THSD7B: variants seen among roughly 807,000 people sequenced by gnomAD.
The protein encoded by THSD7B is thrombospondin type-1 domain-containing protein 7B.
A neutral mutation model predicts 213.6 loss-of-function variants in THSD7B; 138 were observed. The ratio of observed to expected loss-of-function variants is 0.65; its 90% CI spans 0.56 to 0.74. The LOEUF (loss-of-function observed/expected upper bound fraction) is 0.74. Among genes scored for constraint, THSD7B ranks in the 30% least tolerant of loss-of-function variants. The pLI is 0.00. For missense variants in THSD7B, 1,931 were observed against 1,991.5 expected (o/e 0.97, Z 0.58); for synonymous variants, 742 against 687.0 (o/e 1.08, Z -1.25).
At chr2:137,350,109 C>G (rs767330908) in intron 12 of THSD7B, among the ~76,000 whole-genome samples, 1 of 151,782 alleles carries the variant, frequency 6.6e-6, no homozygotes, top group Non-Finnish European at 1.5e-5. Context: ...GGATGGAATA[C>G]AGCAGAAGAT....
chr2:137,156,806 C>T (rs1679919766), intron 5 of THSD7B, among the ~76,000 whole-genome samples: 2 of 152,092 alleles, frequency 1.3e-5, no homozygotes, highest in Non-Finnish European at 2.9e-5. Context: ...CTACTGTGTG[C>T]CTGAGAGTTG....
chr2:136,841,238 A>G (rs115418085), intron 1 of THSD7B, among the ~76,000 whole-genome samples: 1,657 of 152,204 alleles, frequency 0.011, 34 homozygotes, highest in African/African-American at 0.038. Context: ...TTAAAAATAT[A>G]TTTTACTTGT....
At position 136,850,220 on chromosome 2, in the gene THSD7B, A is replaced by G. The variant is rs147525431; in HGVS notation, c.-35-31924A>G. On this transcript the variant is annotated intron_variant, in intron 1 of 27. Coordinates refer to ENST00000409968, the MANE Select transcript of THSD7B (RefSeq NM_001316349.2). ...CAATAAATACAATGTTAGTTTATCA[A>G]TTTTTACAACTGTATAATGCTGCAT... 2.1e-3 allele frequency among the ~76,000 whole-genome samples: 318 copies of G among 152,146 alleles called. 1 individual carries two copies. Among genetic ancestry groups the G allele is most frequent in the Non-Finnish European group, 3.2e-3 (217 of 67,948 alleles).
intron 14 of THSD7B, among the ~76,000 whole-genome samples, chr2:137,419,794 C>T (rs1686883540): frequency 6.6e-6 from 1 of 151,858 alleles, no homozygotes. Flanking sequence ...TCACTGGGGA[C>T]CTGTCCCTGT....
intron 7 of THSD7B, among the ~76,000 whole-genome samples, chr2:137,173,372 CTTTGTT>C (rs1680301051): frequency 6.6e-6 from 1 of 152,176 alleles, no homozygotes; most frequent in South Asian, 2.1e-4. Flanking sequence ...GACTCTCATG[CTTTGTT>C]ATCTCACAGC....
At chr2:136,791,500 C>A (rs1314135204) in intron 1 of THSD7B, among the ~76,000 whole-genome samples, 1 of 151,870 alleles carries the variant, frequency 6.6e-6, no homozygotes, top group Non-Finnish European at 1.5e-5. Flanking sequence ...AAGGAAACCC[C>A]ATGCCCATTC....
At chr2:137,017,259 T>C (rs1686358723) in intron 2 of THSD7B, among the ~76,000 whole-genome samples, 1 of 151,394 alleles carries the variant, frequency 6.6e-6, no homozygotes, top group Non-Finnish European at 1.5e-5. Flanking sequence ...GAGGCGAAAC[T>C]GAAGTTGAAC....
intron 12 of THSD7B, among the ~76,000 whole-genome samples, chr2:137,400,208 A>G (rs1235676406): frequency 6.6e-6 from 1 of 151,814 alleles, no homozygotes; most frequent in Non-Finnish European, 1.5e-5. Flanking sequence ...ACTTTTGATT[A>G]TCTGGCATTT....
intron 17 of THSD7B, among the ~76,000 whole-genome samples, chr2:137,598,542 A>G (rs1230727128): frequency 6.6e-6 from 1 of 152,236 alleles, no homozygotes; most frequent in Non-Finnish European, 1.5e-5. Flanking sequence ...AGCATTTATT[A>G]GACAGTTATA....
intron 5 of THSD7B, among the ~76,000 whole-genome samples, chr2:137,129,223 A>T (rs191082974): frequency 1.2e-4 from 19 of 152,262 alleles, no homozygotes; most frequent in African/African-American, 4.3e-4. Context: ...CCAGGCATCA[A>T]TCAGTATACT....
chr2:137,411,572 T>C, intron 13 of THSD7B, 37 bp from the exon 14 acceptor site: 1 of 1,561,154 alleles, frequency 6.4e-7, no homozygotes, highest in Non-Finnish European at 8.7e-7. Flanking sequence ...AAACAGCAGA[T>C]AAGCATTTAA....
At chr2:137,366,972 G>A (rs927873602) in intron 12 of THSD7B, among the ~76,000 whole-genome samples, 1 of 151,956 alleles carries the variant, frequency 6.6e-6, no homozygotes, top group African/African-American at 2.4e-5. Flanking sequence ...TTTGTTTTCC[G>A]TATTTACTTC....
At chr2:137,130,713 A>G (rs954757320) in intron 5 of THSD7B, among the ~76,000 whole-genome samples, 2 of 150,210 alleles carry the variant, frequency 1.3e-5, no homozygotes, top group East Asian at 4.0e-4. Flanking sequence ...TGAAGTCATC[A>G]TTTTTTATGG....
At chr2:136,930,090 A>G (rs1037576449) in intron 2 of THSD7B, among the ~76,000 whole-genome samples, 2 of 152,222 alleles carry the variant, frequency 1.3e-5, no homozygotes, top group Non-Finnish European at 2.9e-5. Context: ...GGAAGACACA[A>G]AAGCACATCT....
intron 2 of THSD7B, among the ~76,000 whole-genome samples, chr2:136,999,314 C>T (rs145741759): frequency 6.6e-6 from 1 of 152,210 alleles, no homozygotes; most frequent in Non-Finnish European, 1.5e-5. Context: ...CCTGGTGAAT[C>T]CTTTTATCTA....
At chr2:137,631,965 T>A (rs1331487108) in intron 20 of THSD7B, among the ~76,000 whole-genome samples, 1 of 152,190 alleles carries the variant, frequency 6.6e-6, no homozygotes, top group African/African-American at 2.4e-5. Context: ...AGGAGTATGT[T>A]AGTAATTATT....
intron 12 of THSD7B, among the ~76,000 whole-genome samples, chr2:137,391,379 A>AT (rs1198334933): frequency 6.6e-6 from 1 of 152,040 alleles, no homozygotes; most frequent in African/African-American, 2.4e-5. Context: ...TGGTTTATCA[A>AT]TTTTTTTTAA....
intron 20 of THSD7B, among the ~76,000 whole-genome samples, chr2:137,623,989 G>A (rs1042228478): frequency 4.7e-4 from 72 of 152,112 alleles, no homozygotes; most frequent in African/African-American, 1.6e-3. Context: ...TTTAAAGTTC[G>A]TATGGAACCA....
intron 2 of THSD7B, among the ~76,000 whole-genome samples, chr2:136,943,614 G>T (rs1475975082): frequency 6.6e-6 from 1 of 152,266 alleles, no homozygotes; most frequent in Middle Eastern, 3.4e-3. Flanking sequence ...TCTTGGGAGG[G>T]TGTATGTGTT....
Sources: gnomAD v4.1 joint callset for allele counts (sites outside exome capture counted in the v4.1 genomes callset) on GRCh38, gnomAD v4.1.1 for gene constraint, MANE v1.5 for transcripts, NCBI Gene and HGNC (gene_info 2026-07-23, HGNC 2026-07-21) for gene names.